Variants in USP22 observed in about 807,000 individuals in gnomAD.
The protein encoded by USP22 is ubiquitin carboxyl-terminal hydrolase 22.
Under a neutral mutation model 68.1 loss-of-function variants are expected in USP22, and 22 were observed. That is an observed-to-expected ratio of 0.32 (90% confidence interval 0.23 to 0.46). The LOEUF is 0.46. USP22 is among the 20% of genes least tolerant of loss of function. The pLI, the probability that USP22 is intolerant of heterozygous loss-of-function variation, is 1.00. For synonymous variants in USP22, 279 were observed against 274.2 expected (o/e 1.02, Z -0.17); for missense variants, 433 against 695.8 (o/e 0.62, Z 4.25).
intron 1 of USP22, among the ~76,000 whole-genome samples, chr17:21,036,152 T>C (rs913202963): frequency 4.7e-5 from 7 of 149,670 alleles, no homozygotes; most frequent in African/African-American, 1.7e-4. Context: ...CCCAATGATA[T>C]GACATTCTGG....
chr17:21,039,684 A>G (rs1391506212), intron 1 of USP22, among the ~76,000 whole-genome samples: 2 of 152,240 alleles, frequency 1.3e-5, no homozygotes, highest in Non-Finnish European at 1.5e-5. Flanking sequence ...TACAAAATGC[A>G]TAATCCATCT....
At chr17:21,023,350 T>C (rs541064184) in intron 2 of USP22, among the ~76,000 whole-genome samples, 1 of 152,134 alleles carries the variant, frequency 6.6e-6, no homozygotes, top group East Asian at 1.9e-4. Flanking sequence ...GTTAAAATAT[T>C]TTTTAAAAAA....
chr17:21,004,129 G>A lies in USP22; in HGVS notation c.1535+73C>T, dbSNP rs572657810. On this transcript the variant is annotated intron_variant, in intron 12 of 12. Coordinates refer to ENST00000261497, the MANE Select transcript of USP22 (RefSeq NM_015276.2). ...CGAGTGGTTCTAGGCTCAGACATGG[G>A]CTAGTCTCAGCTATACCGGAGGGGA... 51 of 1,560,424 alleles carry A rather than the reference G, an allele frequency of 3.3e-5. 1 individual carries two copies. In the East Asian group the frequency reaches 1.0e-3, roughly 31 times the overall value.
In USP22 at chr17:20,999,684, G is replaced by A. The variant is rs1312316227; in HGVS notation, c.*3347C>T. Reference sequence around the variant, plus strand: ...GTGACACAGCTCCTCAAAATGGAAGGGGAAAGGAAGAGTAAACATCTTGGT... The same window carrying A: ...GTGACACAGCTCCTCAAAATGGAAGAGGAAAGGAAGAGTAAACATCTTGGT... On this transcript the variant is annotated 3_prime_UTR_variant, in exon 13 of 13. Transcript: ENST00000261497. 1 of 152,150 alleles carries A rather than the reference G, an allele frequency of 6.6e-6. No individual in the cohort carries two copies. The highest frequency in any genetic ancestry group is 1.5e-5 in the Non-Finnish European group (1 of 68,042). The allele number at this position is 152,150 out of a possible 1,614,324, so 9.4% of individuals were successfully genotyped here. A position where few individuals can be genotyped will look rare whatever the true frequency, so the allele number is the denominator to read the frequency against.
At chr17:21,030,235 A>G (rs1002412536) in intron 1 of USP22, among the ~76,000 whole-genome samples, 27 of 152,084 alleles carry the variant, frequency 1.8e-4, no homozygotes, top group African/African-American at 4.6e-4. Flanking sequence ...CAGTGGTTAT[A>G]ATATATTGTT....
intron 1 of USP22, among the ~76,000 whole-genome samples, chr17:21,031,867 A>G (rs1972295340): frequency 6.6e-6 from 1 of 152,364 alleles, no homozygotes; most frequent in East Asian, 1.9e-4. Context: ...TATGGAGCCA[A>G]CACAGCTAAG....
At chr17:21,023,026 G>A (rs948631022) in intron 2 of USP22, among the ~76,000 whole-genome samples, 1 of 152,174 alleles carries the variant, frequency 6.6e-6, no homozygotes, top group African/African-American at 2.4e-5. Context: ...GTCGTTTGCA[G>A]GAACATGGAT....
At chr17:21,020,244 C>CAAAAAAAAAAAAAACAAAAAA (rs1972136597) in intron 3 of USP22, among the ~76,000 whole-genome samples, 1 of 73,252 alleles carries the variant, frequency 1.4e-5, no homozygotes, top group Non-Finnish European at 2.5e-5. Flanking sequence ...AATCAAAAAC[C>CAAAAAAAAAAAAAACAAAAAA]AAAAAAAAAA....
chr17:21,030,411 C>T (rs1597699657), intron 1 of USP22, among the ~76,000 whole-genome samples: 1 of 151,528 alleles, frequency 6.6e-6, no homozygotes, highest in African/African-American at 2.4e-5. Flanking sequence ...TGTATGTATG[C>T]ATGCACACGT....
At chr17:21,021,258 G>T in intron 2 of USP22, 32 bp from the exon 3 acceptor site, 1 of 1,512,794 alleles carries the variant, frequency 6.6e-7, no homozygotes, top group Non-Finnish European at 9.2e-7. Context: ...GAGAAACCAA[G>T]TTGAATTAAA....
At position 21,011,201 on chromosome 17, in the gene USP22, G is replaced by A. The variant is rs551600772; in HGVS notation, c.1053C>T (p.Asn351=). ...TGGTTCCCGACACGTGGCTTTCCCC[G>A]TTTACCACGTTGCCCTCGCTCCCTG... ...LSPGSEGNVV[N]GESHVSGTTT... is the part of the protein sequence containing the mutation. The change falls in exon 8 of 13, where the codon AAC becomes AAT. Residue 351 remains asparagine (N), a synonymous_variant. Coordinates refer to ENST00000261497, the MANE Select transcript of USP22 (RefSeq NM_015276.2). 2.4e-5 allele frequency: 38 copies of A among 1,612,694 alleles called. No individual in the cohort carries two copies. The highest frequency in any genetic ancestry group is 1.1e-4 in the East Asian group (5 of 44,836).
chr17:21,011,678 C>T lies in USP22; in HGVS notation c.945-369G>A, dbSNP rs549709436. Reference sequence around the variant, plus strand: ...GCATCTAGAACTTGGGGCCTGTGACCCTAGGCAACACTGGAGACCCCTGCA... The same window carrying T: ...GCATCTAGAACTTGGGGCCTGTGACTCTAGGCAACACTGGAGACCCCTGCA... On this transcript the variant is annotated intron_variant, in intron 7 of 12. Coordinates refer to ENST00000261497, the MANE Select transcript of USP22 (RefSeq NM_015276.2). 377 of 243,368 alleles carry T rather than the reference C, an allele frequency of 1.5e-3. 1 individual carries two copies. The highest frequency in any genetic ancestry group is 2.0e-3 in the Non-Finnish European group (240 of 123,068). 15.1% of individuals were successfully genotyped at this position (243,368 alleles called of 1,614,324 possible).
chr17:21,028,553 C>T lies in USP22; in HGVS notation c.293G>A (p.Arg98Gln), dbSNP rs761846968. The T allele has an allele frequency of 5.6e-6, 9 of 1,613,782 alleles. No individual in the cohort carries two copies. The highest frequency in any genetic ancestry group is 1.1e-5 in the South Asian group (1 of 91,056). The stretch of plus-strand genomic sequence containing the variant: ...GAAGCTCGCCTCACCCAGGTTGTGC[C>T]GCTTCGCCTTCGCATGCTCGTGAAT... ...KHIHEHAKAK[R>Q]HNLAIDLMYG... is the part of the protein sequence containing the mutation. Residue 98 changes from arginine to glutamine, a missense_variant, in exon 2 of 13, where the codon CGG becomes CAG. Transcript: ENST00000261497.
chr17:21,041,605 T>C (rs1441775857), intron 1 of USP22, among the ~76,000 whole-genome samples: 1 of 152,068 alleles, frequency 6.6e-6, no homozygotes. Context: ...CTCAAAAAAA[T>C]AATTTTTTTT....
Position 21,027,176 on chromosome 17 carries a change from CCAA to C in USP22, c.304+1363_304+1365del, listed in dbSNP as rs1972231078. ...GGTGTCGTGGTGTGTGCCTGTGGTC[CCAA>C]CGAGAGGCTGAGGCAGAAGGATCTC... On this transcript the variant is annotated intron_variant, in intron 2 of 12. Coordinates refer to ENST00000261497, the MANE Select transcript of USP22 (RefSeq NM_015276.2). Among the ~76,000 whole-genome samples, 3 of 150,186 alleles carry C rather than the reference CCAA, an allele frequency of 2.0e-5. No homozygotes were observed. In the East Asian group the frequency reaches 5.9e-4, roughly 29 times the overall value.
chr17:21,021,084 C>T, intron 3 of USP22, 29 bp downstream of exon 3: 2 of 1,557,292 alleles, frequency 1.3e-6, no homozygotes, highest in Non-Finnish European at 1.8e-6. Context: ...ACTGCAGGAT[C>T]AAGCAGGTAA....
Position 20,999,858 on chromosome 17 carries a change from T to G in USP22, c.*3173A>C, listed in dbSNP as rs537869251. On this transcript the variant is annotated 3_prime_UTR_variant, in exon 13 of 13. Coordinates refer to ENST00000261497, the MANE Select transcript of USP22 (RefSeq NM_015276.2). The stretch of plus-strand genomic sequence containing the variant: ...GCATACACACCAAGCCAAAATACAA[T>G]AGCACTCAGGTCTATATGTTGCAGT... 1.3e-5 allele frequency: 2 copies of G among 152,154 alleles called. No homozygotes were observed. The highest frequency in any genetic ancestry group is 2.9e-5 in the Non-Finnish European group (2 of 68,040). 9.4% of individuals were successfully genotyped at this position (152,154 alleles called of 1,614,324 possible).
chr17:21,043,398 T>TA (rs1204846537), upstream of USP22: 1 of 305,764 alleles, frequency 3.3e-6, no homozygotes, highest in Non-Finnish European at 6.0e-6. Flanking sequence ...GGCTAGACGT[T>TA]CCCTGTCTCT....
intron 2 of USP22, among the ~76,000 whole-genome samples, chr17:21,023,487 CTA>C (rs1335772726): frequency 6.6e-6 from 1 of 151,810 alleles, no homozygotes; most frequent in Non-Finnish European, 1.5e-5. Flanking sequence ...ACCCCCATCT[CTA>C]CAAAAATTAG....
Sources: gnomAD v4.1 joint callset for allele counts (sites outside exome capture counted in the v4.1 genomes callset) on GRCh38, gnomAD v4.1.1 for gene constraint, MANE v1.5 for transcripts, NCBI Gene and HGNC (gene_info 2026-07-23, HGNC 2026-07-21) for gene names.